The following MYT1L variants were observed in gnomAD, a reference collection of about 807,000 sequenced individuals.
MYT1L encodes myelin transcription factor 1 like, also known as myelin transcription factor 1-like protein.
In MYT1L, 12 loss-of-function variants were observed where a neutral mutation model predicts 126.7. The observed-to-expected ratio is 0.09, with a 90% CI of 0.06 to 0.15. The LOEUF (loss-of-function observed/expected upper bound fraction) is 0.15. Ranked by LOEUF, MYT1L falls within the 10% of genes least tolerant of loss-of-function variation. The pLI is 1.00. For synonymous variants in MYT1L, 541 were observed against 604.2 expected (o/e 0.90, Z 1.53); for missense variants, 979 against 1,585.2 (o/e 0.62, Z 6.49).
rs147446230 is a variant in MYT1L at position 1,951,518 on chromosome 2, G to C, written c.153-8184C>G. Among the ~76,000 whole-genome samples the C allele has an allele frequency of 2.5e-3, 382 of 152,288 alleles. 1 individual carries two copies. The highest frequency in any genetic ancestry group is 8.6e-3 in the African/African-American group (357 of 41,554). ...ATCCACAGGAAAGAGAGAAGGCTGG[G>C]GTCATCACCCAGATCTGAGTGGTCC... On this transcript the variant is annotated intron_variant, in intron 8 of 24. Transcript: ENST00000647738.
intron 4 of MYT1L, among the ~76,000 whole-genome samples, chr2:2,032,760 T>C (rs1254624014): frequency 1.0e-4 from 10 of 96,314 alleles, no homozygotes; most frequent in South Asian, 4.8e-4. Context: ...GTGCCTCTCA[T>C]CCTGTGGCCC....
intron 4 of MYT1L, among the ~76,000 whole-genome samples, chr2:2,021,009 C>T (rs1357139382): frequency 6.6e-6 from 1 of 152,200 alleles, no homozygotes; most frequent in East Asian, 1.9e-4. Flanking sequence ...TCTGCGTCCT[C>T]AGGGTCCCTC....
intron 18 of MYT1L, among the ~76,000 whole-genome samples, chr2:1,871,262 C>G (rs2046253898): frequency 1.3e-5 from 2 of 152,242 alleles, no homozygotes; most frequent in African/African-American, 4.8e-5. Flanking sequence ...ACGGAAATCT[C>G]TGTGTGCCAA....
intron 18 of MYT1L, among the ~76,000 whole-genome samples, chr2:1,873,682 C>T (rs1224511412): frequency 6.6e-6 from 1 of 152,186 alleles, no homozygotes; most frequent in Non-Finnish European, 1.5e-5. Context: ...AGGGTGCTGG[C>T]CTGCTGGGGA....
chr2:2,260,898 T>A (rs2094947833), intron 2 of MYT1L, among the ~76,000 whole-genome samples: 1 of 152,216 alleles, frequency 6.6e-6, no homozygotes, highest in African/African-American at 2.4e-5. Context: ...GGTAATGTCT[T>A]CCGGGACAAT....
At chr2:2,001,139 AT>A (rs1309680451) in intron 4 of MYT1L, among the ~76,000 whole-genome samples, 2 of 146,512 alleles carry the variant, frequency 1.4e-5, no homozygotes, top group African/African-American at 2.5e-5. Context: ...TTCTTTATTA[AT>A]TTCCCCCTCT....
intron 2 of MYT1L, among the ~76,000 whole-genome samples, chr2:2,262,063 C>T (rs771066801): frequency 2.3e-4 from 35 of 152,214 alleles, no homozygotes; most frequent in Admixed American, 1.9e-3. Flanking sequence ...CACCCCTTAA[C>T]ATAACTTCAG....
intron 21 of MYT1L, among the ~76,000 whole-genome samples, chr2:1,830,926 T>A (rs1408854437): frequency 6.6e-6 from 1 of 152,168 alleles, no homozygotes; most frequent in African/African-American, 2.4e-5. Context: ...TGCACCTGCA[T>A]GTCAATGGGG....
chr2:1,938,325 T>G (rs1221406069), intron 9 of MYT1L, among the ~76,000 whole-genome samples: 1 of 152,192 alleles, frequency 6.6e-6, no homozygotes, highest in Middle Eastern at 3.2e-3. Flanking sequence ...CCAAAAAATA[T>G]TTATCATAAC....
intron 3 of MYT1L, among the ~76,000 whole-genome samples, chr2:2,057,111 CTT>C (rs1233202459): frequency 6.6e-6 from 1 of 152,312 alleles, no homozygotes; most frequent in East Asian, 1.9e-4. Flanking sequence ...TCCTACTTCT[CTT>C]GTGTTCATAT....
chr2:1,877,518 T>A (rs2047060159), intron 18 of MYT1L, among the ~76,000 whole-genome samples: 1 of 152,204 alleles, frequency 6.6e-6, no homozygotes, highest in Non-Finnish European at 1.5e-5. Context: ...AGAGGATGCA[T>A]TTGTGCCAGA....
intron 3 of MYT1L, among the ~76,000 whole-genome samples, chr2:2,103,395 C>T (rs2078340446): frequency 6.6e-6 from 1 of 152,218 alleles, no homozygotes; most frequent in South Asian, 2.1e-4. Flanking sequence ...GCCAACTCCC[C>T]CATGGCAACA....
chr2:2,006,905 C>T (rs1281771357), intron 4 of MYT1L, among the ~76,000 whole-genome samples: 1 of 151,970 alleles, frequency 6.6e-6, no homozygotes, highest in African/African-American at 2.4e-5. Context: ...AAAAAAGTTC[C>T]ACATTTAAGT....
intron 2 of MYT1L, among the ~76,000 whole-genome samples, chr2:2,190,574 AAAAG>A (rs1220509003): frequency 2.1e-5 from 3 of 141,158 alleles, no homozygotes; most frequent in African/African-American, 9.6e-5. Flanking sequence ...AAAAAAAAAA[AAAAG>A]AAGAAGAAAG....
At chr2:2,231,481 A>T (rs959485120) in intron 2 of MYT1L, among the ~76,000 whole-genome samples, 1 of 152,036 alleles carries the variant, frequency 6.6e-6, no homozygotes, top group Non-Finnish European at 1.5e-5. Context: ...TTTGTTGCCC[A>T]GGCTAGAGTG....
chr2:2,330,601 C>A (rs1417062027), intron 1 of MYT1L, among the ~76,000 whole-genome samples: 1 of 152,210 alleles, frequency 6.6e-6, no homozygotes, highest in Non-Finnish European at 1.5e-5. Context: ...ATTGCCTTTG[C>A]ATAAAATGAT....
intron 9 of MYT1L, among the ~76,000 whole-genome samples, chr2:1,932,423 G>A (rs1290688146): frequency 6.6e-6 from 1 of 152,108 alleles, no homozygotes; most frequent in East Asian, 1.9e-4. Flanking sequence ...GCATGGCACT[G>A]GGGGGAGGAG....
rs894238023 is a variant in MYT1L at position 2,286,725 on chromosome 2, G to A, written c.-520-2222C>T. Among the ~76,000 whole-genome samples, 13 of 152,260 alleles carry A rather than the reference G, an allele frequency of 8.5e-5. No homozygotes were observed. The East Asian group carries it at 2.5e-3, about 30-fold the overall frequency. ...CAGGAGAGATCATCTGTGGTCAAGG[G>A]TGCCAGCAACACATCTACCTAAAGC... On this transcript the variant is annotated intron_variant, in intron 1 of 24. Transcript: ENST00000647738.
chr2:1,910,224 C>T lies in MYT1L; in HGVS notation c.1817+16G>A, dbSNP rs544327892. 5.6e-6 allele frequency: 9 copies of T among 1,608,302 alleles called. No homozygotes were observed. The highest frequency in any genetic ancestry group is 1.1e-5 in the South Asian group (1 of 90,944). Reference sequence around the variant, plus strand: ...CTATGGATAGAGCTCACGGATGGTGCACTCCTGCTGGGTACCTGAGCACGC... The same window carrying T: ...CTATGGATAGAGCTCACGGATGGTGTACTCCTGCTGGGTACCTGAGCACGC... On this transcript the variant is annotated intron_variant, in intron 13 of 24. Coordinates refer to ENST00000647738, the MANE Select transcript of MYT1L (RefSeq NM_001303052.2). The surrounding 1 kb of genome is among the most constrained non-coding windows in gnomAD (Gnocchi z 4.8).
Sources: allele counts gnomAD v4.1 joint callset (sites outside exome capture counted in the v4.1 genomes callset), GRCh38; gene constraint gnomAD v4.1.1; non-coding constraint Gnocchi (gnomAD v3.1); transcripts MANE v1.5; gene names NCBI Gene and HGNC (gene_info 2026-07-23, HGNC 2026-07-21).